FBXL4: variants seen among roughly 807,000 people sequenced by gnomAD.
FBXL4 encodes the protein F-box and leucine rich repeat protein 4, also known as F-box/LRR-repeat protein 4.
A neutral mutation model predicts 58.9 loss-of-function variants in FBXL4; 40 were observed. That is an observed-to-expected ratio of 0.68 (90% CI 0.53 to 0.88). FBXL4 has a LOEUF of 0.88. FBXL4 is among the 40% of genes least tolerant of loss of function. The pLI, the probability that FBXL4 is intolerant of heterozygous loss-of-function variation, is 0.00. For synonymous variants in FBXL4, 263 were observed against 265.5 expected, an observed-to-expected ratio of 0.99 and a Z score of 0.09; for missense variants, 676 against 734.4, an observed-to-expected ratio of 0.92 and a Z score of 0.92.
At chr6:98,913,125 A>C (rs1772167770) in intron 5 of FBXL4, among the ~76,000 whole-genome samples, 1 of 152,228 alleles carries the variant, frequency 6.6e-6, no homozygotes, top group South Asian at 2.1e-4. Context: ...AAGAAGAGCT[A>C]ACTGTCCTAA....
intron 7 of FBXL4, among the ~76,000 whole-genome samples, chr6:98,890,708 C>G (rs1771194740): frequency 6.6e-6 from 1 of 152,090 alleles, no homozygotes; most frequent in African/African-American, 2.4e-5. Context: ...CACTTGAGGT[C>G]AGGAGTTCAA....
intron 7 of FBXL4, among the ~76,000 whole-genome samples, chr6:98,893,773 G>T (rs937587813): frequency 2.2e-4 from 33 of 149,848 alleles, no homozygotes; most frequent in African/African-American, 7.9e-4. Flanking sequence ...GGGAACCTGG[G>T]TGAAAATACA....
At chr6:98,937,697 C>T (rs1773274184) in intron 1 of FBXL4, among the ~76,000 whole-genome samples, 1 of 152,096 alleles carries the variant, frequency 6.6e-6, no homozygotes, top group African/African-American at 2.4e-5. Context: ...ATAAATTCTG[C>T]CTGACTTTTT....
At chr6:98,912,155 TC>T (rs1343370084) in intron 5 of FBXL4, among the ~76,000 whole-genome samples, 1 of 152,196 alleles carries the variant, frequency 6.6e-6, no homozygotes, top group African/African-American at 2.4e-5. Flanking sequence ...GGACAAAGCC[TC>T]CAAGAAATAT....
rs1771904789 is a variant in FBXL4, at chr6:98,908,561, C to A, written c.859-2891G>T. Among the ~76,000 whole-genome samples, 3 of 152,000 alleles carry A rather than the reference C, an allele frequency of 2.0e-5. No homozygotes were observed. In the South Asian group the frequency reaches 6.2e-4, roughly 32 times the overall value. ...TTACATGCATTTAGAAGTTTTGATG[C>A]AAGTGGAGAATTGCCATTCACAATG... On this transcript the variant is annotated intron_variant, in intron 5 of 9. Coordinates refer to ENST00000369244, the MANE Select transcript of FBXL4 (RefSeq NM_001278716.2).
chr6:98,947,720 C>A (rs1482189422), intron 1 of FBXL4, 86 bp downstream of exon 1: 1 of 151,846 alleles, frequency 6.6e-6, no homozygotes, highest in African/African-American at 2.4e-5. Context: ...CGCGGAGCTG[C>A]GCGCTGGCTC....
At chr6:98,878,731 G>A (rs936235073) in intron 8 of FBXL4, among the ~76,000 whole-genome samples, 1 of 151,986 alleles carries the variant, frequency 6.6e-6, no homozygotes, top group African/African-American at 2.4e-5. Flanking sequence ...TAAATAACAA[G>A]CAGAATAAGG....
chr6:98,893,050 C>T (rs1259313135), intron 7 of FBXL4, among the ~76,000 whole-genome samples: 1 of 152,144 alleles, frequency 6.6e-6, no homozygotes, highest in East Asian at 1.9e-4. Flanking sequence ...AACATTCTTA[C>T]TGAGCTACCT....
Position 98,873,776 on chromosome 6 carries a change from A to C in FBXL4, c.*502T>G, listed in dbSNP as rs373653226. ...AGAAAAACTAAAAATTTTCCAGTTG[A>C]ACAGTTAATCCAGAGAAATAACCAA... On this transcript the variant is annotated 3_prime_UTR_variant, in exon 10 of 10. Coordinates refer to ENST00000369244, the MANE Select transcript of FBXL4 (RefSeq NM_001278716.2). 5 of 152,454 alleles carry C rather than the reference A, an allele frequency of 3.3e-5. No individual in the cohort carries two copies. Among genetic ancestry groups the C allele is most frequent in the African/African-American group, 1.2e-4 (5 of 41,580 alleles). The allele number at this position is 152,454 out of a possible 1,614,324, so 9.4% of individuals were successfully genotyped here.
At chr6:98,916,881 A>G (rs1022414909) in intron 5 of FBXL4, among the ~76,000 whole-genome samples, 10 of 151,968 alleles carry the variant, frequency 6.6e-5, no homozygotes, top group African/African-American at 2.4e-4. Flanking sequence ...CTACCTGCCT[A>G]GACCAAAAAT....
At chr6:98,925,395 A>G (rs1582437084) in intron 4 of FBXL4, among the ~76,000 whole-genome samples, 1 of 152,242 alleles carries the variant, frequency 6.6e-6, no homozygotes, top group African/African-American at 2.4e-5. Flanking sequence ...AACTAAGAAT[A>G]AATTGTTAAA....
intron 4 of FBXL4, among the ~76,000 whole-genome samples, chr6:98,920,902 T>C (rs1242377895): frequency 6.6e-6 from 1 of 151,954 alleles, no homozygotes; most frequent in African/African-American, 2.4e-5. Context: ...CCCAGGGCAG[T>C]GTTGATATGA....
chr6:98,940,119 G>A (rs921391077), intron 1 of FBXL4, among the ~76,000 whole-genome samples: 3 of 152,092 alleles, frequency 2.0e-5, no homozygotes, highest in Admixed American at 2.0e-4. Flanking sequence ...TAATATATAT[G>A]TGTGCTATTC....
intron 4 of FBXL4, among the ~76,000 whole-genome samples, chr6:98,923,039 T>C (rs1316767967): frequency 6.6e-6 from 1 of 152,150 alleles, no homozygotes; most frequent in Non-Finnish European, 1.5e-5. Flanking sequence ...CTTACAACCT[T>C]CTTCACAGAA....
chr6:98,877,562 T>C (rs543930298), intron 8 of FBXL4, among the ~76,000 whole-genome samples: 1 of 152,332 alleles, frequency 6.6e-6, no homozygotes, highest in Admixed American at 6.5e-5. Flanking sequence ...AACCTATCCC[T>C]CCTTTATTAA....
At chr6:98,910,539 C>CCCAGCTACT (rs1248616924) in intron 5 of FBXL4, among the ~76,000 whole-genome samples, 2 of 152,032 alleles carry the variant, frequency 1.3e-5, no homozygotes, top group Non-Finnish European at 2.9e-5. Flanking sequence ...CACCTGTAGT[C>CCCAGCTACT]CCAGCTACTC....
chr6:98,931,173 T>C (rs886214068), intron 2 of FBXL4, among the ~76,000 whole-genome samples: 1 of 152,256 alleles, frequency 6.6e-6, no homozygotes, highest in Non-Finnish European at 1.5e-5. Context: ...TAAAACTGTG[T>C]TGTGCATTTT....
intron 4 of FBXL4, among the ~76,000 whole-genome samples, chr6:98,918,599 C>T (rs1396086599): frequency 1.3e-5 from 2 of 152,126 alleles, no homozygotes; most frequent in East Asian, 3.9e-4. Context: ...ACTTAATATA[C>T]TCATATGTCA....
chr6:98,910,253 G>T (rs1322920176), intron 5 of FBXL4, among the ~76,000 whole-genome samples: 2 of 152,178 alleles, frequency 1.3e-5, no homozygotes, highest in Non-Finnish European at 2.9e-5. Flanking sequence ...GCCCTAGAAT[G>T]CTACTAGCAT....
Sources: gnomAD v4.1 joint callset for allele counts (sites outside exome capture counted in the v4.1 genomes callset) on GRCh38, gnomAD v4.1.1 for gene constraint, MANE v1.5 for transcripts, NCBI Gene and HGNC (gene_info 2026-07-23, HGNC 2026-07-21) for gene names.